FANK1: variants seen among roughly 807,000 people sequenced by gnomAD.
The protein encoded by FANK1 is fibronectin type III and ankyrin repeat domains 1, also known as fibronectin type 3 and ankyrin repeat domains protein 1.
In FANK1, 44 loss-of-function variants were observed where a neutral mutation model predicts 45.3. That is an observed-to-expected ratio of 0.97 (90% CI 0.76 to 1.25). The LOEUF (loss-of-function observed/expected upper bound fraction) is 1.25, where lower values mean the gene tolerates loss of function less well. FANK1 is among the 50% of genes most tolerant of loss of function. The probability of loss-of-function intolerance (pLI) is 0.00; values close to 1 mark genes in which losing one functional copy is unlikely to be tolerated. For missense variants in FANK1, 391 were observed against 424.4 expected (o/e 0.92, Z 0.69); for synonymous variants, 149 against 152.5 (o/e 0.98, Z 0.17).
intron 1 of FANK1, chr10:125,972,372 C>T (rs982482747): frequency 6.6e-6 from 1 of 152,020 alleles, no homozygotes. Flanking sequence ...GATCCTAAAA[C>T]CAATATCCTA....
chr10:125,902,414 A>G (rs2134101888), intron 1 of FANK1, among the ~76,000 whole-genome samples: 1 of 152,364 alleles, frequency 6.6e-6, no homozygotes, highest in East Asian at 1.9e-4. Flanking sequence ...TGCTGTTCAC[A>G]GATAGATGCC....
chr10:125,946,050 G>C (rs1461558788), intron 1 of FANK1, among the ~76,000 whole-genome samples: 1 of 152,068 alleles, frequency 6.6e-6, no homozygotes, highest in East Asian at 1.9e-4. Context: ...TGAGGGTCCT[G>C]TCTGTTAGAA....
chr10:126,005,065 T>C lies in FANK1; in HGVS notation c.705+16T>C, dbSNP rs1953081280. The stretch of plus-strand genomic sequence containing the variant: ...TGGCTGTGAGGTACGGGACCTGCCT[T>C]GTTAACCACGCACATATCGTTAAGA... On this transcript the variant is annotated intron_variant, in intron 7 of 10. Coordinates refer to ENST00000368693, the MANE Select transcript of FANK1 (RefSeq NM_145235.5). The C allele has an allele frequency of 6.2e-7, 1 of 1,608,794 alleles. No individual in the cohort carries two copies. Among genetic ancestry groups the C allele is most frequent in the African/African-American group, 1.3e-5 (1 of 74,826 alleles).
intron 1 of FANK1, among the ~76,000 whole-genome samples, chr10:125,933,962 G>C (rs1947914759): frequency 6.6e-6 from 1 of 152,110 alleles, no homozygotes; most frequent in Non-Finnish European, 1.5e-5. Flanking sequence ...TTTTGGAGTT[G>C]ATTTTCGATT....
intron 1 of FANK1, among the ~76,000 whole-genome samples, chr10:125,899,125 A>G (rs1461322355): frequency 6.6e-6 from 1 of 152,164 alleles, no homozygotes; most frequent in Non-Finnish European, 1.5e-5. Context: ...CAATGATGTG[A>G]TCTTGGCTTA....
chr10:125,900,364 T>TC (rs902891141), intron 1 of FANK1, among the ~76,000 whole-genome samples: 11 of 152,096 alleles, frequency 7.2e-5, no homozygotes, highest in African/African-American at 2.6e-4. Context: ...CTTTTTTTTT[T>TC]TTCTTTTTTT....
At position 125,996,533 on chromosome 10, in the gene FANK1, T is replaced by C. The variant is rs911673811; in HGVS notation, c.399-17T>C. The C allele has an allele frequency of 1.5e-5, 25 of 1,613,708 alleles. No individual in the cohort carries two copies. The highest frequency in any genetic ancestry group is 2.1e-5 in the Non-Finnish European group (25 of 1,179,812). On this transcript the variant is annotated splice_polypyrimidine_tract_variant and intron_variant, in intron 4 of 10. Coordinates refer to ENST00000368693, the MANE Select transcript of FANK1 (RefSeq NM_145235.5). ...CTGTACTGAGCATGTTTATCTCTTT[T>C]CTCTGCTTTTCCCAAGCCGTGTTAA...
At chr10:125,943,425 A>C (rs558948485) in intron 1 of FANK1, among the ~76,000 whole-genome samples, 89 of 152,290 alleles carry the variant, frequency 5.8e-4, no homozygotes, top group African/African-American at 2.1e-3. Flanking sequence ...GTTGTACAAT[A>C]ATCACCATTA....
chr10:125,973,139 A>C (rs1305671706), intron 1 of FANK1: 2 of 152,266 alleles, frequency 1.3e-5, no homozygotes, highest in African/African-American at 4.8e-5. Context: ...ATCAATGATC[A>C]GTAAAGAACA....
At chr10:125,999,483 A>G (rs561006864) in intron 6 of FANK1, among the ~76,000 whole-genome samples, 2 of 152,326 alleles carry the variant, frequency 1.3e-5, no homozygotes, top group African/African-American at 4.8e-5. Flanking sequence ...TGTATGGCAC[A>G]TGGGAGGCAG....
chr10:125,994,436 CAAACTCT>C (rs929616756), intron 3 of FANK1: 1 of 985,194 alleles, frequency 1.0e-6, no homozygotes, highest in Non-Finnish European at 1.2e-6. Flanking sequence ...ATTATAAACT[CAAACTCT>C]TGCCGTTTGC....
chr10:125,992,308 A>T (rs2134214998), intron 3 of FANK1, among the ~76,000 whole-genome samples: 1 of 152,262 alleles, frequency 6.6e-6, no homozygotes, highest in Middle Eastern at 3.4e-3. Context: ...AATTCAGGTA[A>T]ATGGAGACGT....
At chr10:125,951,712 C>G (rs946371360) in intron 1 of FANK1, among the ~76,000 whole-genome samples, 5 of 152,158 alleles carry the variant, frequency 3.3e-5, no homozygotes, top group African/African-American at 1.2e-4. Flanking sequence ...GTGTTCTTGA[C>G]ATTTTGAGGC....
chr10:125,946,540 A>G (rs1207684324), intron 1 of FANK1, among the ~76,000 whole-genome samples: 1 of 152,012 alleles, frequency 6.6e-6, no homozygotes, highest in East Asian at 1.9e-4. Context: ...AAATGAAGTG[A>G]GAAGGGAAGT....
At position 125,958,437 on chromosome 10, in the gene FANK1, A is replaced by G. The variant is rs546773141; in HGVS notation, c.14-21724A>G. 9.2e-5 allele frequency among the ~76,000 whole-genome samples: 14 copies of G among 152,306 alleles called. No individual in the cohort carries two copies. In the South Asian group the frequency reaches 2.5e-3, roughly 27 times the overall value. The stretch of plus-strand genomic sequence containing the variant: ...CAGGCATGTCTTACGGGGTTTCGCC[A>G]TGTTGGCCAGGCTAGGTCTCGAACT... On this transcript the variant is annotated intron_variant, in intron 1 of 10. Coordinates refer to ENST00000368693, the MANE Select transcript of FANK1 (RefSeq NM_145235.5).
intron 1 of FANK1, among the ~76,000 whole-genome samples, chr10:125,972,013 C>A (rs1271061269): frequency 6.6e-6 from 1 of 152,176 alleles, no homozygotes; most frequent in African/African-American, 2.4e-5. Flanking sequence ...AGATTATCTT[C>A]ATTTTAATCC....
intron 1 of FANK1, among the ~76,000 whole-genome samples, chr10:125,927,169 A>G (rs1297157463): frequency 6.6e-6 from 1 of 152,002 alleles, no homozygotes; most frequent in Non-Finnish European, 1.5e-5. Flanking sequence ...GTGCAGTGGC[A>G]TGATCATGGC....
At chr10:125,915,752 T>C (rs1372603342) in intron 1 of FANK1, among the ~76,000 whole-genome samples, 1 of 152,192 alleles carries the variant, frequency 6.6e-6, no homozygotes, top group African/African-American at 2.4e-5. Context: ...AAGTGGAGGT[T>C]GCTGTGAGCC....
At chr10:125,967,398 A>G (rs1950250270) in intron 1 of FANK1, among the ~76,000 whole-genome samples, 2 of 152,296 alleles carry the variant, frequency 1.3e-5, no homozygotes, top group African/African-American at 4.8e-5. Context: ...TGTGAAGATT[A>G]AATAGTATAT....
Sources: gnomAD v4.1 joint callset for allele counts (sites outside exome capture counted in the v4.1 genomes callset) on GRCh38, gnomAD v4.1.1 for gene constraint, MANE v1.5 for transcripts, NCBI Gene and HGNC (gene_info 2026-07-23, HGNC 2026-07-21) for gene names.